The following SHISA9 variants were observed in gnomAD, a reference collection of about 807,000 sequenced individuals.
SHISA9 encodes the protein shisa family member 9.
Under a neutral mutation model 38.0 loss-of-function variants are expected in SHISA9, and 13 were observed. The observed-to-expected ratio is 0.34, with a 90% CI of 0.22 to 0.54. SHISA9 has a LOEUF of 0.54. Among genes scored for constraint, SHISA9 ranks in the 20% least tolerant of loss-of-function variants. The probability of loss-of-function intolerance (pLI) is 0.91; values close to 1 mark genes in which losing one functional copy is unlikely to be tolerated. For synonymous variants in SHISA9, 275 were observed against 242.0 expected (o/e 1.14, Z -1.27); for missense variants, 538 against 575.8 (o/e 0.93, Z 0.67).
chr16:13,545,697 G>A, the SHISA9 span, among the ~76,000 whole-genome samples: 3 of 152,236 alleles, frequency 2.0e-5, no homozygotes, highest in African/African-American at 7.2e-5. Context: ...CTTCTCTCAC[G>A]CCATGGCCTG....
the SHISA9 span, among the ~76,000 whole-genome samples, chr16:13,362,867 T>G: frequency 6.6e-6 from 1 of 152,204 alleles, no homozygotes; most frequent in Non-Finnish European, 1.5e-5. Context: ...GCACTGAGAA[T>G]TTTCTTTAAT....
intron 2 of SHISA9, among the ~76,000 whole-genome samples, chr16:12,973,427 A>G (rs534141400): frequency 6.6e-6 from 1 of 152,178 alleles, no homozygotes; most frequent in Non-Finnish European, 1.5e-5. Flanking sequence ...AACTTCCATA[A>G]AGATATAGGC....
the SHISA9 span, among the ~76,000 whole-genome samples, chr16:13,367,708 G>GTA: frequency 1.7e-5 from 2 of 116,632 alleles, no homozygotes; most frequent in South Asian, 2.9e-4. Context: ...GCGCGCGCGC[G>GTA]CGCGCACACA....
At chr16:12,915,635 A>G (rs1310036494) in intron 1 of SHISA9, among the ~76,000 whole-genome samples, 1 of 152,086 alleles carries the variant, frequency 6.6e-6, no homozygotes, top group Non-Finnish European at 1.5e-5. Flanking sequence ...CATACTAATT[A>G]TTGCATATGA....
At chr16:13,440,681 C>T in the SHISA9 span, among the ~76,000 whole-genome samples, 5 of 152,196 alleles carry the variant, frequency 3.3e-5, no homozygotes, top group Non-Finnish European at 7.3e-5. Context: ...ATAATCCCAG[C>T]ACTTTGGGAG....
intron 4 of SHISA9, among the ~76,000 whole-genome samples, chr16:13,217,810 A>T (rs2051185231): frequency 1.3e-5 from 2 of 152,146 alleles, no homozygotes; most frequent in African/African-American, 4.8e-5. Context: ...TGAGCAGATC[A>T]CTTGAGGTAA....
intron 2 of SHISA9, among the ~76,000 whole-genome samples, chr16:13,101,080 C>T (rs1187874780): frequency 2.0e-5 from 3 of 152,126 alleles, no homozygotes; most frequent in Non-Finnish European, 2.9e-5. Flanking sequence ...CTCTTAGTAT[C>T]ACGCCTTTCA....
downstream of SHISA9, among the ~76,000 whole-genome samples, chr16:13,242,227 G>A (rs565692878): frequency 6.6e-6 from 1 of 152,180 alleles, no homozygotes; most frequent in African/African-American, 2.4e-5. Flanking sequence ...ATGCTTTAAT[G>A]GCTCTGTCAA....
the SHISA9 span, among the ~76,000 whole-genome samples, chr16:13,437,644 C>A: frequency 6.6e-6 from 1 of 152,098 alleles, no homozygotes; most frequent in African/African-American, 2.4e-5. Context: ...TGATAGCTTG[C>A]AATTCCCTCT....
At chr16:13,276,695 G>A in the SHISA9 span, among the ~76,000 whole-genome samples, 2 of 151,924 alleles carry the variant, frequency 1.3e-5, no homozygotes, top group Admixed American at 1.3e-4. Context: ...TCATATGTTT[G>A]TTGGCCATTT....
At position 13,158,092 on chromosome 16, in the gene SHISA9, T is replaced by A. The variant is rs975087715; in HGVS notation, c.692-45302T>A. Among the ~76,000 whole-genome samples, 17 of 152,270 alleles carry A rather than the reference T, an allele frequency of 1.1e-4. No homozygotes were observed. The South Asian group carries it at 3.5e-3, about 32-fold the overall frequency. ...GGAACCTTGGGGCCAGACCTGGGCT[T>A]TAGTCACTTTCAGGCAGAACAGTTC... On this transcript the variant is annotated intron_variant, in intron 2 of 4. Transcript: ENST00000558583.
intron 2 of SHISA9, among the ~76,000 whole-genome samples, chr16:12,932,848 A>G (rs1188965009): frequency 1.3e-5 from 2 of 152,212 alleles, no homozygotes; most frequent in Admixed American, 1.3e-4. Context: ...TTTGGAGGCC[A>G]TATTCCAGCT....
At chr16:13,360,520 C>A in the SHISA9 span, among the ~76,000 whole-genome samples, 1 of 152,270 alleles carries the variant, frequency 6.6e-6, no homozygotes, top group East Asian at 1.9e-4. Flanking sequence ...ACTTGGCTCT[C>A]GTTCTTCTTC....
At chr16:13,188,546 C>T (rs908739655) in intron 2 of SHISA9, among the ~76,000 whole-genome samples, 4 of 151,634 alleles carry the variant, frequency 2.6e-5, no homozygotes, top group South Asian at 2.1e-4. Context: ...AGCAAGACCC[C>T]GTCTCTACAA....
intron 2 of SHISA9, among the ~76,000 whole-genome samples, chr16:13,029,234 C>T (rs2072962071): frequency 6.6e-6 from 1 of 152,158 alleles, no homozygotes; most frequent in Admixed American, 6.5e-5. Context: ...TGGAAGCAAC[C>T]TAAGTGTCCA....
At chr16:13,067,386 A>G (rs1404750102) in intron 2 of SHISA9, among the ~76,000 whole-genome samples, 1 of 152,154 alleles carries the variant, frequency 6.6e-6, no homozygotes, top group Non-Finnish European at 1.5e-5. Flanking sequence ...TTTCTAGATG[A>G]GTGATGTTGG....
the SHISA9 span, among the ~76,000 whole-genome samples, chr16:13,360,261 G>C: frequency 1.3e-5 from 2 of 152,222 alleles, no homozygotes; most frequent in African/African-American, 4.8e-5. Context: ...TGCTGCAGCT[G>C]ATGCTCACTG....
the SHISA9 span, among the ~76,000 whole-genome samples, chr16:13,320,727 G>C: frequency 6.6e-6 from 1 of 152,238 alleles, no homozygotes; most frequent in African/African-American, 2.4e-5. Context: ...AAGCTGACAA[G>C]CTGGGTAGGA....
At chr16:13,157,859 A>G (rs2050560868) in intron 2 of SHISA9, among the ~76,000 whole-genome samples, 2 of 152,140 alleles carry the variant, frequency 1.3e-5, no homozygotes, top group Non-Finnish European at 1.5e-5. Flanking sequence ...TTGTTCTGAG[A>G]GGAGGGCTTC....
Sources: allele counts gnomAD v4.1 joint callset (sites outside exome capture counted in the v4.1 genomes callset), GRCh38; gene constraint gnomAD v4.1.1; transcripts MANE v1.5; gene names NCBI Gene and HGNC (gene_info 2026-07-23, HGNC 2026-07-21).